Variants in CAMKMT observed in about 807,000 individuals in gnomAD.
The protein encoded by CAMKMT is CaM KMT.
In CAMKMT, 53 loss-of-function variants were observed where a neutral mutation model predicts 48.0. The observed-to-expected ratio is 1.10, with a 90% CI of 0.89 to 1.39. The LOEUF (loss-of-function observed/expected upper bound fraction) is 1.39, where lower values mean the gene tolerates loss of function less well. Among genes scored for constraint, CAMKMT ranks in the 40% most tolerant of loss-of-function variants. The pLI, the probability that CAMKMT is intolerant of heterozygous loss-of-function variation, is 0.00. For missense variants in CAMKMT, 428 were observed against 402.7 expected (o/e 1.06, Z -0.54); for synonymous variants, 165 against 152.3 (o/e 1.08, Z -0.61).
intron 3 of CAMKMT, among the ~76,000 whole-genome samples, chr2:44,473,289 G>A (rs879885890): frequency 6.6e-6 from 1 of 152,080 alleles, no homozygotes; most frequent in Non-Finnish European, 1.5e-5. Context: ...ATAATAATTG[G>A]AACCTCATTA....
At chr2:44,569,549 T>C (rs1293224440) in intron 3 of CAMKMT, among the ~76,000 whole-genome samples, 1 of 152,208 alleles carries the variant, frequency 6.6e-6, no homozygotes, top group Admixed American at 6.5e-5. Flanking sequence ...TCAGATTCCA[T>C]GATTTTCCTT....
intron 3 of CAMKMT, among the ~76,000 whole-genome samples, chr2:44,605,723 C>T (rs1671244701): frequency 6.6e-6 from 1 of 152,038 alleles, no homozygotes; most frequent in African/African-American, 2.4e-5. Context: ...ATTGCGAACT[C>T]CTTAGATTTC....
intron 3 of CAMKMT, among the ~76,000 whole-genome samples, chr2:44,500,320 C>T (rs1669945814): frequency 6.6e-6 from 1 of 152,102 alleles, no homozygotes; most frequent in African/African-American, 2.4e-5. Flanking sequence ...CTTTTTAGGA[C>T]TCTTTTGAGC....
chr2:44,613,817 C>T (rs1197649564), intron 3 of CAMKMT, among the ~76,000 whole-genome samples: 4 of 152,072 alleles, frequency 2.6e-5, no homozygotes, highest in Non-Finnish European at 4.4e-5. Context: ...GGAGGAAGCA[C>T]GTGGAGTTCT....
chr2:44,701,919 C>T (rs896292722), intron 3 of CAMKMT, among the ~76,000 whole-genome samples: 8 of 151,898 alleles, frequency 5.3e-5, no homozygotes, highest in South Asian at 2.1e-4. Flanking sequence ...TTTGAGATGA[C>T]GTCCAAAATG....
chr2:44,613,285 A>G (rs1285234284), intron 3 of CAMKMT, among the ~76,000 whole-genome samples: 1 of 152,214 alleles, frequency 6.6e-6, no homozygotes, highest in Non-Finnish European at 1.5e-5. Context: ...ATATTTCCTT[A>G]CTGGTAGAGA....
At chr2:44,426,005 A>G (rs1008280520) in intron 3 of CAMKMT, among the ~76,000 whole-genome samples, 1 of 152,252 alleles carries the variant, frequency 6.6e-6, no homozygotes, top group African/African-American at 2.4e-5. Context: ...TGCTGGGATT[A>G]CAGGCGTGAG....
intron 3 of CAMKMT, among the ~76,000 whole-genome samples, chr2:44,466,545 T>C (rs1349443893): frequency 1.3e-5 from 2 of 152,144 alleles, no homozygotes; most frequent in Non-Finnish European, 2.9e-5. Context: ...GGAAAGTTTA[T>C]AGTGGTAGAC....
At chr2:44,470,994 CTTTTTTT>C (rs11362559) in intron 3 of CAMKMT, among the ~76,000 whole-genome samples, 12 of 74,934 alleles carry the variant, frequency 1.6e-4, no homozygotes, top group Non-Finnish European at 3.0e-4. Flanking sequence ...CTCTCTCTCT[CTTTTTTT>C]TTTTTTTTTT....
chr2:44,382,510 G>C (rs1190464781), intron 2 of CAMKMT, among the ~76,000 whole-genome samples: 1 of 145,756 alleles, frequency 6.9e-6, no homozygotes, highest in East Asian at 2.0e-4. Flanking sequence ...ACAGAGTCTC[G>C]CTCTGTCACC....
At chr2:44,376,768 C>T (rs539909697) in intron 2 of CAMKMT, among the ~76,000 whole-genome samples, 2 of 152,220 alleles carry the variant, frequency 1.3e-5, no homozygotes, top group East Asian at 3.9e-4. Context: ...TTCTGTCAGC[C>T]TTACATGATA....
At chr2:44,513,997 G>T (rs143766641) in intron 3 of CAMKMT, among the ~76,000 whole-genome samples, 1 of 151,812 alleles carries the variant, frequency 6.6e-6, no homozygotes, top group Non-Finnish European at 1.5e-5. Flanking sequence ...AGCTATTTGG[G>T]AGTCTGAGGT....
chr2:44,725,142 A>ATGTGTGTGTG (rs1558820037), intron 7 of CAMKMT, among the ~76,000 whole-genome samples: 1 of 58,922 alleles, frequency 1.7e-5, no homozygotes, highest in African/African-American at 9.1e-5. Context: ...TGCTTTCTGG[A>ATGTGTGTGTG]CGTGTGTGTG....
chr2:44,768,363 T>TATA (rs1558844484), intron 10 of CAMKMT, among the ~76,000 whole-genome samples: 240 of 72,010 alleles, frequency 3.3e-3, no homozygotes, highest in African/African-American at 6.3e-3. Flanking sequence ...ATATATATAT[T>TATA]TTTTTTTTTT....
chr2:44,367,681 T>C (rs1315997908), intron 1 of CAMKMT, among the ~76,000 whole-genome samples: 10 of 152,220 alleles, frequency 6.6e-5, no homozygotes, highest in Non-Finnish European at 2.9e-5. Context: ...CTGCCTATTA[T>C]CTGGAAGCTA....
intron 3 of CAMKMT, among the ~76,000 whole-genome samples, chr2:44,442,530 A>T (rs1446625846): frequency 6.6e-6 from 1 of 152,182 alleles, no homozygotes; most frequent in Non-Finnish European, 1.5e-5. Context: ...CTACTAAGCC[A>T]TATTGTATTC....
At chr2:44,397,938 C>T (rs1682008342) in intron 3 of CAMKMT, among the ~76,000 whole-genome samples, 1 of 152,152 alleles carries the variant, frequency 6.6e-6, no homozygotes, top group African/African-American at 2.4e-5. Flanking sequence ...TAGTTTCTCC[C>T]TCTTTTAAAT....
At chr2:44,712,149 A>G (rs760333292) in intron 6 of CAMKMT, among the ~76,000 whole-genome samples, 1 of 152,102 alleles carries the variant, frequency 6.6e-6, no homozygotes, top group Non-Finnish European at 1.5e-5. Context: ...ATTAGCAAAT[A>G]TTGCCACATT....
intron 3 of CAMKMT, among the ~76,000 whole-genome samples, chr2:44,421,519 C>A (rs1460387560): frequency 1.3e-5 from 2 of 152,062 alleles, no homozygotes; most frequent in Non-Finnish European, 2.9e-5. Context: ...GACATCGCTA[C>A]TCACAATAAC....
Sources: allele counts gnomAD v4.1 joint callset (sites outside exome capture counted in the v4.1 genomes callset), GRCh38; gene constraint gnomAD v4.1.1; transcripts MANE v1.5; gene names NCBI Gene and HGNC (gene_info 2026-07-23, HGNC 2026-07-21).